Variants in RALYL observed in about 807,000 individuals in gnomAD.
The protein encoded by RALYL is RALY RNA binding protein like.
A neutral mutation model predicts 35.1 loss-of-function variants in RALYL; 29 were observed. The ratio of observed to expected loss-of-function variants is 0.83; its 90% CI spans 0.61 to 1.13. The LOEUF is 1.13. Among genes scored for constraint, RALYL ranks in the 50% most tolerant of loss-of-function variants. The pLI is 0.00. For synonymous variants in RALYL, 120 were observed against 127.6 expected (o/e 0.94, Z 0.40); for missense variants, 359 against 360.4 (o/e 1.00, Z 0.03).
At chr8:84,305,183 A>T (rs768334131) in intron 1 of RALYL, among the ~76,000 whole-genome samples, 1 of 152,192 alleles carries the variant, frequency 6.6e-6, no homozygotes. Context: ...TATATAACCA[A>T]TTTATTAAGC....
intron 1 of RALYL, among the ~76,000 whole-genome samples, chr8:84,454,170 T>C (rs1048487520): frequency 2.0e-5 from 3 of 152,100 alleles, no homozygotes; most frequent in South Asian, 2.1e-4. Context: ...AGAGATAGAT[T>C]ATCTTTCAGG....
intron 2 of RALYL, 112 bp downstream of exon 2, chr8:84,529,689 AG>A: frequency 1.3e-6 from 1 of 796,442 alleles, no homozygotes; most frequent in South Asian, 2.9e-5. Flanking sequence ...AACCAATTAG[AG>A]TGATTTTATA....
At chr8:84,796,942 G>T (rs943135448) in intron 3 of RALYL, among the ~76,000 whole-genome samples, 5 of 152,158 alleles carry the variant, frequency 3.3e-5, no homozygotes, top group African/African-American at 9.7e-5. Context: ...AACAGTGGCT[G>T]TATAGACTTT....
chr8:84,563,487 GTCTTA>G (rs1253625553), intron 2 of RALYL, among the ~76,000 whole-genome samples: 1 of 151,622 alleles, frequency 6.6e-6, no homozygotes, highest in Non-Finnish European at 1.5e-5. Context: ...TCTTCTTAGA[GTCTTA>G]TCTTAGAAGA....
At chr8:84,681,429 A>G (rs1835465127) in intron 2 of RALYL, among the ~76,000 whole-genome samples, 1 of 151,152 alleles carries the variant, frequency 6.6e-6, no homozygotes, top group African/African-American at 2.5e-5. Flanking sequence ...GAATCTATAA[A>G]TTACCTTGGG....
chr8:84,371,220 C>T (rs1586666940), intron 1 of RALYL, among the ~76,000 whole-genome samples: 1 of 152,074 alleles, frequency 6.6e-6, no homozygotes, highest in Admixed American at 6.6e-5. Flanking sequence ...TTAATATTAT[C>T]TGAGGAAATT....
chr8:84,237,200 CAG>C (rs1826784153), intron 1 of RALYL, among the ~76,000 whole-genome samples: 4 of 152,056 alleles, frequency 2.6e-5, no homozygotes, highest in Admixed American at 2.6e-4. Flanking sequence ...CCAGTGTAGG[CAG>C]AGAGAGAAGT....
chr8:84,640,756 A>T (rs1826139036), intron 2 of RALYL, among the ~76,000 whole-genome samples: 1 of 152,024 alleles, frequency 6.6e-6, no homozygotes, highest in Admixed American at 6.6e-5. Context: ...GTGACACCAC[A>T]GAAGCTGAAC....
intron 1 of RALYL, among the ~76,000 whole-genome samples, chr8:84,300,578 CT>C (rs1840583233): frequency 6.6e-6 from 1 of 151,980 alleles, no homozygotes; most frequent in Admixed American, 6.6e-5. Flanking sequence ...ATCTATGTCT[CT>C]TTGTAGGTCT....
At chr8:84,199,365 G>C (rs1004403832) in intron 1 of RALYL, among the ~76,000 whole-genome samples, 1 of 152,058 alleles carries the variant, frequency 6.6e-6, no homozygotes, top group Admixed American at 6.6e-5. Context: ...TTCCTATAGA[G>C]TTGTTTGAGC....
intron 1 of RALYL, among the ~76,000 whole-genome samples, chr8:84,253,586 C>T (rs1830652527): frequency 6.6e-6 from 1 of 151,984 alleles, no homozygotes; most frequent in Non-Finnish European, 1.5e-5. Context: ...GAGAAAGGTT[C>T]TAATTGTCCT....
At chr8:84,271,826 G>A (rs1302910036) in intron 1 of RALYL, among the ~76,000 whole-genome samples, 2 of 152,130 alleles carry the variant, frequency 1.3e-5, no homozygotes, top group Admixed American at 6.6e-5. Context: ...GTGCTGGGAG[G>A]AGGAGTGGGG....
At chr8:84,873,446 T>C (rs778641474) in intron 7 of RALYL, 49 bp downstream of exon 7, 6 of 1,158,572 alleles carry the variant, frequency 5.2e-6, no homozygotes, top group South Asian at 4.0e-5. Context: ...CAGTGAAACG[T>C]TGTCAATCAC....
At chr8:84,874,572 C>T (rs1840788669) in intron 7 of RALYL, among the ~76,000 whole-genome samples, 1 of 152,236 alleles carries the variant, frequency 6.6e-6, no homozygotes, top group South Asian at 2.1e-4. Context: ...CCCTGAGCTA[C>T]CACACACAGG....
At chr8:84,426,679 A>G (rs773087163) in intron 1 of RALYL, among the ~76,000 whole-genome samples, 1 of 152,162 alleles carries the variant, frequency 6.6e-6, no homozygotes, top group African/African-American at 2.4e-5. Context: ...TTTTTTCAAA[A>G]GAAGACATTG....
At chr8:84,183,093 C>G (rs527770924), upstream of RALYL, 3 of 157,756 alleles carry the variant, frequency 1.9e-5, no homozygotes, top group South Asian at 3.4e-4. Flanking sequence ...CAATGCGAGG[C>G]GGCGGCGGCA....
intron 1 of RALYL, among the ~76,000 whole-genome samples, chr8:84,381,685 C>T (rs1162182090): frequency 6.6e-6 from 1 of 151,870 alleles, no homozygotes; most frequent in Non-Finnish European, 1.5e-5. Context: ...CATACTCAGA[C>T]TGCAGTATTT....
intron 1 of RALYL, among the ~76,000 whole-genome samples, chr8:84,295,393 T>C (rs1839570494): frequency 6.6e-6 from 1 of 152,152 alleles, no homozygotes; most frequent in African/African-American, 2.4e-5. Flanking sequence ...AAAAGAGTCA[T>C]GCTATTGACA....
At chr8:84,513,202 T>C (rs533582667) in intron 1 of RALYL, among the ~76,000 whole-genome samples, 12 of 152,174 alleles carry the variant, frequency 7.9e-5, no homozygotes, top group Non-Finnish European at 2.9e-5. Context: ...CTTTCATCAG[T>C]AGATGTTTTT....
Sources: gnomAD v4.1 joint callset for allele counts (sites outside exome capture counted in the v4.1 genomes callset) on GRCh38, gnomAD v4.1.1 for gene constraint, MANE v1.5 for transcripts, NCBI Gene and HGNC (gene_info 2026-07-23, HGNC 2026-07-21) for gene names.